IGSF10: variants seen among roughly 807,000 people sequenced by gnomAD.
IGSF10 encodes the protein calvaria mechanical force protein 608.
IGSF10 carries 126 observed loss-of-function variants against 128.2 expected under a neutral mutation model. That is an observed-to-expected ratio of 0.98 (90% confidence interval 0.85 to 1.14). The LOEUF (loss-of-function observed/expected upper bound fraction) is 1.14. IGSF10 is among the 50% of genes most tolerant of loss of function. IGSF10 has a pLI of 0.00. For missense variants in IGSF10, 3,295 were observed against 3,149.8 expected (o/e 1.05, Z -1.10); for synonymous variants, 1,185 against 1,146.2 (o/e 1.03, Z -0.68).
At chr3:151,550,852 T>C in the IGSF10 span, among the ~76,000 whole-genome samples, 2 of 152,142 alleles carry the variant, frequency 1.3e-5, no homozygotes, top group East Asian at 3.9e-4. Context: ...GTTCCTGTTC[T>C]TGATTCCTGA....
At chr3:151,491,315 G>T in the IGSF10 span, among the ~76,000 whole-genome samples, 1 of 152,164 alleles carries the variant, frequency 6.6e-6, no homozygotes, top group South Asian at 2.1e-4. Flanking sequence ...GGTGGCTCAA[G>T]CCTGTAATCC....
In IGSF10 at chr3:151,454,019, CTTT is replaced by C. The variant is rs142736294; in HGVS notation, c.325-248_325-246del. Among the ~76,000 whole-genome samples, 404 of 126,616 alleles carry C rather than the reference CTTT, an allele frequency of 3.2e-3. 3 individuals are homozygous for C. The highest frequency in any genetic ancestry group is 6.3e-3 in the African/African-American group (212 of 33,514). 83.1% of individuals were successfully genotyped at this position (126,616 alleles called of 152,430 possible). ...TATATATATTTCTTTTTTTCTTTTT[CTTT>C]TTTTTTTTTTTTTGAGACAGCGTCT... On this transcript the variant is annotated intron_variant, in intron 4 of 7. Transcript: ENST00000282466.
At chr3:151,598,080 T>TGTGTGC in the IGSF10 span, among the ~76,000 whole-genome samples, 439 of 143,682 alleles carry the variant, frequency 3.1e-3, no homozygotes, top group African/African-American at 0.01. Flanking sequence ...GGTGTGTGTG[T>TGTGTGC]GTGTGTGTGT....
In IGSF10 at chr3:151,445,799, A is replaced by G; in HGVS notation, c.4182T>C (p.Thr1394=). The change falls in exon 6 of 8, where the codon ACT becomes ACC. Residue 1394 remains threonine, a synonymous_variant. Transcript: ENST00000282466. ...CAGTTGTGTTTTCTGGTGGGGAATG[A>G]GTGAATGCAGAGACACTGGGCTTGA... ...TSVKPSVSAF[T]HSPPENTTGI... is the part of the protein sequence containing the mutation. The G allele has an allele frequency of 6.2e-7, 1 of 1,614,212 alleles. No individual in the cohort carries two copies. The highest frequency in any genetic ancestry group is 2.2e-5 in the East Asian group (1 of 44,876).
Position 151,437,170 on chromosome 3 carries a change from A to T in IGSF10, c.7391T>A (p.Ile2464Asn). The stretch of plus-strand genomic sequence containing the variant: ...ATAACCACTTGGCATAGTCCATTTG[A>T]TATTTGGCTTAGGGATTCCATCAGA... ...CVSDGIPKPN[I>N]KWTMPSGYVV... The change falls in exon 8 of 8, where the codon ATC becomes AAC. Residue 2464 changes from isoleucine to asparagine, a missense_variant. By Grantham distance (149) the Ile-to-Asn change is moderately radical. Coordinates refer to ENST00000282466, the MANE Select transcript of IGSF10 (RefSeq NM_178822.5). 2 of 1,614,144 alleles carry T rather than the reference A, an allele frequency of 1.2e-6. No individual in the cohort carries two copies. Among genetic ancestry groups the T allele is most frequent in the Non-Finnish European group, 1.7e-6 (2 of 1,180,030 alleles).
chr3:151,546,206 CA>C, the IGSF10 span, among the ~76,000 whole-genome samples: 2,460 of 152,188 alleles, frequency 0.016, 21 homozygotes, highest in South Asian at 0.026. Flanking sequence ...TGGCAAGGCT[CA>C]GGGGGTGATA....
At chr3:151,509,596 G>A in the IGSF10 span, among the ~76,000 whole-genome samples, 4 of 152,240 alleles carry the variant, frequency 2.6e-5, no homozygotes, top group African/African-American at 9.6e-5. Flanking sequence ...GAGGTACCGG[G>A]TTCATCTCAC....
the IGSF10 span, among the ~76,000 whole-genome samples, chr3:151,547,967 C>T: frequency 3.3e-5 from 5 of 152,022 alleles, no homozygotes; most frequent in Admixed American, 2.0e-4. Flanking sequence ...ATTGTATTTC[C>T]AAAAATGGTT....
chr3:151,580,919 C>A, the IGSF10 span, among the ~76,000 whole-genome samples: 341 of 151,914 alleles, frequency 2.2e-3, 1 homozygote, highest in Non-Finnish European at 2.1e-3. Flanking sequence ...TCTCATGACA[C>A]CCAAATTCCA....
the IGSF10 span, among the ~76,000 whole-genome samples, chr3:151,476,502 G>A: frequency 1.4e-4 from 22 of 152,106 alleles, no homozygotes; most frequent in African/African-American, 2.7e-4. Context: ...CCTCTTTCTC[G>A]ATCTTCAGGG....
At chr3:151,587,181 T>TG in the IGSF10 span, among the ~76,000 whole-genome samples, 1 of 152,188 alleles carries the variant, frequency 6.6e-6, no homozygotes, top group African/African-American at 2.4e-5. Context: ...GACACCATAG[T>TG]TCTTAGAAGA....
chr3:151,572,853 A>G, the IGSF10 span, among the ~76,000 whole-genome samples: 1 of 152,178 alleles, frequency 6.6e-6, no homozygotes, highest in Non-Finnish European at 1.5e-5. Context: ...TCTTGTGGGC[A>G]TTTAGTGCTA....
chr3:151,531,126 CAAG>C, the IGSF10 span, among the ~76,000 whole-genome samples: 7 of 152,094 alleles, frequency 4.6e-5, no homozygotes, highest in South Asian at 4.2e-4. Context: ...ATCAATCCAG[CAAG>C]AAGAACTAAC....
rs1721375247 is a variant in IGSF10, at chr3:151,448,971, G to A, written c.1010C>T (p.Pro337Leu). 6.2e-7 allele frequency: 1 copy of A among 1,614,084 alleles called. No homozygotes were observed. Among genetic ancestry groups the A allele is most frequent in the Non-Finnish European group, 8.5e-7 (1 of 1,180,038 alleles). ...GAATGCAATGGGTGATGTCCTTGAGGGCTTTTGAATACTGCAGACCATGTT... is the reference window on the plus strand; with the variant it reads ...GAATGCAATGGGTGATGTCCTTGAGAGCTTTTGAATACTGCAGACCATGTT... The part of the protein sequence containing the change: ...EANMVCSIQK[P>L]SRTSPIAFTE... Residue 337 changes from proline (P) to leucine (L), a missense_variant, in exon 6 of 8, where the codon CCC (proline) becomes CTC (leucine). Physicochemically the swap from Pro to Leu is moderately conservative, Grantham distance 98. Coordinates refer to ENST00000282466, the MANE Select transcript of IGSF10 (RefSeq NM_178822.5).
At chr3:151,498,688 T>A in the IGSF10 span, among the ~76,000 whole-genome samples, 1 of 152,108 alleles carries the variant, frequency 6.6e-6, no homozygotes, top group Non-Finnish European at 1.5e-5. Flanking sequence ...AATTTACACA[T>A]CTTCATTTTT....
chr3:151,554,233 T>G, the IGSF10 span, among the ~76,000 whole-genome samples: 1 of 152,076 alleles, frequency 6.6e-6, no homozygotes, highest in Non-Finnish European at 1.5e-5. Context: ...AGTTTTTGCT[T>G]TTCCCTTAAA....
chr3:151,575,163 G>GA, the IGSF10 span, among the ~76,000 whole-genome samples: 1 of 152,212 alleles, frequency 6.6e-6, no homozygotes, highest in Admixed American at 6.5e-5. Context: ...GCCCCTACTG[G>GA]AAGGTGTCTC....
the IGSF10 span, among the ~76,000 whole-genome samples, chr3:151,528,840 G>A: frequency 2.7e-5 from 4 of 149,590 alleles, no homozygotes; most frequent in Middle Eastern, 3.5e-3. Flanking sequence ...TACCTGGAAT[G>A]CTAGTGAGAC....
chr3:151,605,154 T>C, the IGSF10 span, among the ~76,000 whole-genome samples: 2 of 152,242 alleles, frequency 1.3e-5, no homozygotes, highest in African/African-American at 4.8e-5. Flanking sequence ...AGAGTGTTAC[T>C]TTATTTGACC....
Sources: allele counts gnomAD v4.1 joint callset (sites outside exome capture counted in the v4.1 genomes callset), GRCh38; gene constraint gnomAD v4.1.1; transcripts MANE v1.5; gene names NCBI Gene and HGNC (gene_info 2026-07-23, HGNC 2026-07-21).